ANGPT2: variants seen among roughly 807,000 people sequenced by gnomAD.
ANGPT2 encodes the protein angiopoietin 2.
In ANGPT2, 28 loss-of-function variants were observed where a neutral mutation model predicts 62.9. The observed-to-expected ratio is 0.44, with a 90% confidence interval of 0.33 to 0.61. The LOEUF is 0.61. ANGPT2 is among the 20% of genes least tolerant of loss of function. The probability of loss-of-function intolerance (pLI) is 0.03; values close to 1 mark genes in which losing one functional copy is unlikely to be tolerated. For synonymous variants in ANGPT2, 284 were observed against 207.8 expected, an observed-to-expected ratio of 1.37 and a Z score of -3.15; for missense variants, 727 against 594.9, an observed-to-expected ratio of 1.22 and a Z score of -2.31.
At chr8:6,552,304 G>A (rs867066635) in intron 1 of ANGPT2, among the ~76,000 whole-genome samples, 7 of 152,176 alleles carry the variant, frequency 4.6e-5, no homozygotes, top group Non-Finnish European at 8.8e-5. Context: ...ATGGAATGTG[G>A]CCATATTCAC....
chr8:6,523,112 C>T (rs1817673740), intron 3 of ANGPT2, among the ~76,000 whole-genome samples: 1 of 152,040 alleles, frequency 6.6e-6, no homozygotes, highest in African/African-American at 2.4e-5. Flanking sequence ...ATTCTCCTGC[C>T]TCAGTCTCCC....
intron 1 of ANGPT2, among the ~76,000 whole-genome samples, chr8:6,542,291 G>GGTGTGT (rs59101845): frequency 4.7e-5 from 7 of 150,048 alleles, no homozygotes; most frequent in African/African-American, 1.5e-4. Context: ...GTGAGGTAGG[G>GGTGTGT]GTGTGTGTGT....
chr8:6,542,291 G>GGT (rs59101845), intron 1 of ANGPT2, among the ~76,000 whole-genome samples: 2,685 of 150,024 alleles, frequency 0.018, 40 homozygotes, highest in African/African-American at 0.044. Context: ...GTGAGGTAGG[G>GGT]GTGTGTGTGT....
chr8:6,539,826 A>G (rs1821214938), intron 1 of ANGPT2, among the ~76,000 whole-genome samples: 1 of 152,216 alleles, frequency 6.6e-6, no homozygotes, highest in African/African-American at 2.4e-5. Flanking sequence ...ACATCAGGCC[A>G]TCTGCCTGCC....
At chr8:6,505,798 A>G (rs1813540917) in intron 8 of ANGPT2, among the ~76,000 whole-genome samples, 1 of 121,268 alleles carries the variant, frequency 8.2e-6, no homozygotes, top group South Asian at 2.5e-4. Flanking sequence ...ATATATAAAA[A>G]CATGCATATT....
At chr8:6,529,238 T>A (rs780774379) in intron 2 of ANGPT2, among the ~76,000 whole-genome samples, 5 of 152,144 alleles carry the variant, frequency 3.3e-5, no homozygotes, top group Non-Finnish European at 7.3e-5. Context: ...GATCTCTCAT[T>A]CCCTTTAAGA....
rs201337637 is a variant in ANGPT2, at chr8:6,532,360, G to A, written c.416C>T (p.Thr139Met). The A allele has an allele frequency of 2.5e-5, 40 of 1,613,958 alleles. No individual in the cohort carries two copies. The East Asian group carries it at 7.4e-4, about 30-fold the overall frequency. ...TNLLNQTAEQ[T>M]RKLTDVEAQV... The stretch of plus-strand genomic sequence containing the variant: ...GGCTTCCACATCAGTTAACTTCCGC[G>A]TTTGCTCCGCTGTTTGGTTCAACAG... The change falls in exon 2 of 9, where the codon ACG becomes ATG. Residue 139 changes from threonine (T) to methionine (M), a missense_variant. Physicochemically the swap from Thr to Met is moderately conservative, Grantham distance 81 (BLOSUM62 -1). Transcript: ENST00000629816.
intron 1 of ANGPT2, among the ~76,000 whole-genome samples, chr8:6,538,894 GATATTCTAT>G (rs1043585087): frequency 1.3e-5 from 2 of 152,176 alleles, no homozygotes; most frequent in African/African-American, 4.8e-5. Flanking sequence ...TAAATCCAGG[GATATTCTAT>G]TTGGGAGGCT....
rs191449519 is a variant in ANGPT2 at position 6,539,010 on chromosome 8, C to A, written c.289-6523G>T. Among the ~76,000 whole-genome samples, 112 of 145,652 alleles carry A rather than the reference C, an allele frequency of 7.7e-4. 1 individual carries two copies. The highest frequency in any genetic ancestry group is 6.1e-3 in the Admixed American group (87 of 14,276). ...AGTGGCAAAACTGGGCTCTCCTCCC[C>A]CTCCTTTTAGAGTTGGGCTTGTGTG... On this transcript the variant is annotated intron_variant, in intron 1 of 8. Transcript: ENST00000629816.
In ANGPT2 at chr8:6,550,683, A is replaced by T. The variant is rs181751231; in HGVS notation, c.288+11964T>A. ...GTGGATTTTATATTGAAATCTTTTT[A>T]AAATCTGTTTTATTGTAAGAGGCTC... On this transcript the variant is annotated intron_variant, in intron 1 of 8. Coordinates refer to ENST00000629816, the MANE Select transcript of ANGPT2 (RefSeq NM_001118887.2). Among the ~76,000 whole-genome samples, 409 of 152,268 alleles carry T rather than the reference A, an allele frequency of 2.7e-3. 3 individuals carry two copies. The highest frequency in any genetic ancestry group is 3.0e-3 in the Non-Finnish European group (203 of 68,024).
intron 1 of ANGPT2, among the ~76,000 whole-genome samples, chr8:6,560,142 T>C (rs1168376821): frequency 6.6e-6 from 1 of 152,228 alleles, no homozygotes. Context: ...TTCCTAAAAG[T>C]GTACGGATTT....
chr8:6,556,656 C>T (rs756534970), intron 1 of ANGPT2, among the ~76,000 whole-genome samples: 2 of 151,962 alleles, frequency 1.3e-5, no homozygotes, highest in Non-Finnish European at 2.9e-5. Flanking sequence ...CTTTGTTGCC[C>T]AGGCTGGAGC....
At chr8:6,556,076 C>T (rs1320760075) in intron 1 of ANGPT2, among the ~76,000 whole-genome samples, 1 of 152,098 alleles carries the variant, frequency 6.6e-6, no homozygotes, top group Non-Finnish European at 1.5e-5. Flanking sequence ...AGATCGATGT[C>T]CCAGTGGGCG....
intron 1 of ANGPT2, among the ~76,000 whole-genome samples, chr8:6,548,508 T>G (rs1823018874): frequency 1.3e-5 from 2 of 152,156 alleles, no homozygotes; most frequent in Non-Finnish European, 2.9e-5. Flanking sequence ...TGCAGCTTAC[T>G]TGCATTTCAG....
rs755690432 is a variant in ANGPT2 at position 6,513,712 on chromosome 8, G to C, written c.1162C>G (p.His388Asp). The change falls in exon 7 of 9, where the codon CAT becomes GAT. Residue 388 changes from histidine (H) to aspartate (D), a missense_variant. By Grantham distance (81) the His-to-Asp change is moderately conservative. Transcript: ENST00000629816. Reference sequence around the variant, plus strand: ...AGTTCTTCACTTGAGAGATAGAAATGTTCATACAATGAGTAAGCCTCATTC... The same window carrying C: ...AGTTCTTCACTTGAGAGATAGAAATCTTCATACAATGAGTAAGCCTCATTC... ...EGNEAYSLYEHFYLSSEELNY... is the reference protein window; with the variant it reads ...EGNEAYSLYEDFYLSSEELNY... 6.2e-7 allele frequency: 1 copy of C among 1,613,352 alleles called. No individual in the cohort carries two copies. Among genetic ancestry groups the C allele is most frequent in the East Asian group, 2.2e-5 (1 of 44,850 alleles).
chr8:6,523,809 G>A (rs1463094049), intron 3 of ANGPT2, among the ~76,000 whole-genome samples: 4 of 151,624 alleles, frequency 2.6e-5, no homozygotes, highest in African/African-American at 4.8e-5. Context: ...GGCTGGTCTC[G>A]AACTCCTGAC....
Position 6,505,978 on chromosome 8 carries a change from G to GTA in ANGPT2, c.1328-2719_1328-2718dup, listed in dbSNP as rs548017908. ...ATATATAAAAACATACATATTCTTT[G>GTA]TATATATAAAAACATATACATATTC... is the stretch of plus-strand genomic sequence containing the variant. On this transcript the variant is annotated intron_variant, in intron 8 of 8. Coordinates refer to ENST00000629816, the MANE Select transcript of ANGPT2 (RefSeq NM_001118887.2). Among the ~76,000 whole-genome samples, 4 of 60,848 alleles carry GTA rather than the reference G, an allele frequency of 6.6e-5. 1 individual carries two copies. Among genetic ancestry groups the GTA allele is most frequent in the African/African-American group, 3.0e-4 (2 of 6,710 alleles). 39.9% of individuals were successfully genotyped at this position (60,848 alleles called of 152,430 possible). A position where few individuals can be genotyped will look rare whatever the true frequency, so the allele number is the denominator to read the frequency against.
intron 1 of ANGPT2, among the ~76,000 whole-genome samples, chr8:6,561,970 G>C (rs372900026): frequency 6.6e-6 from 1 of 152,132 alleles, no homozygotes; most frequent in African/African-American, 2.4e-5. Context: ...GACGCATTCC[G>C]CACCGGTTGC....
At chr8:6,537,151 A>G (rs1820651174) in intron 1 of ANGPT2, among the ~76,000 whole-genome samples, 1 of 152,042 alleles carries the variant, frequency 6.6e-6, no homozygotes, top group Non-Finnish European at 1.5e-5. Context: ...TTCCAATTTC[A>G]CATGCATAGC....
Sources: gnomAD v4.1 joint callset for allele counts (sites outside exome capture counted in the v4.1 genomes callset) on GRCh38, gnomAD v4.1.1 for gene constraint, MANE v1.5 for transcripts, NCBI Gene and HGNC (gene_info 2026-07-23, HGNC 2026-07-21) for gene names.